The following CNTNAP1 variants were observed in gnomAD, a reference collection of about 807,000 sequenced individuals.
CNTNAP1 encodes the protein contactin-associated protein 1.
A neutral mutation model predicts 161.5 loss-of-function variants in CNTNAP1; 80 were observed. The observed-to-expected ratio is 0.50, with a 90% CI of 0.41 to 0.60. The LOEUF is 0.60. Ranked by LOEUF, CNTNAP1 falls within the 20% of genes least tolerant of loss-of-function variation. The pLI, the probability that CNTNAP1 is intolerant of heterozygous loss-of-function variation, is 0.00. For synonymous variants in CNTNAP1, 695 were observed against 733.1 expected (o/e 0.95, Z 0.84); for missense variants, 1,464 against 1,854.8 (o/e 0.79, Z 3.87).
chr17:42,682,799 G>A lies in CNTNAP1; in HGVS notation c.-31G>A. 1 of 1,551,692 alleles carries A rather than the reference G, an allele frequency of 6.4e-7. No homozygotes were observed. Among genetic ancestry groups the A allele is most frequent in the Non-Finnish European group, 8.7e-7 (1 of 1,150,324 alleles). On this transcript the variant is annotated 5_prime_UTR_variant, in exon 1 of 24. Coordinates refer to ENST00000264638, the MANE Select transcript of CNTNAP1 (RefSeq NM_003632.3). ...CGAGCCCTAGCCGGAGCCGTTCACA[G>A]GGAGGCGGCTGCCGGGACCGTCAGC... is the stretch of plus-strand genomic sequence containing the variant.
chr17:42,685,431 C>A lies in CNTNAP1; in HGVS notation c.715+11C>A. ...TGCACATGAGCCTGGGTGAGCTCGG[C>A]GACCATGTGCGATGCGGAGCCAACC... On this transcript the variant is annotated intron_variant, in intron 5 of 23. Coordinates refer to ENST00000264638, the MANE Select transcript of CNTNAP1 (RefSeq NM_003632.3). This position sits in a 1 kb window ranked among gnomAD's most constrained non-coding sequence, Gnocchi z 5.0. 1.3e-6 allele frequency: 2 copies of A among 1,596,644 alleles called. No individual in the cohort carries two copies. Among genetic ancestry groups the A allele is most frequent in the East Asian group, 2.2e-5 (1 of 44,700 alleles).
intron 10 of CNTNAP1, 74 bp downstream of exon 10, chr17:42,689,121 T>G: frequency 7.0e-7 from 1 of 1,421,024 alleles, no homozygotes; most frequent in Admixed American, 2.4e-5. Context: ...GAATGGCCTC[T>G]TTCAATAATC....
Position 42,699,217 on chromosome 17 carries a change from T to A in CNTNAP1, c.*307T>A. On this transcript the variant is annotated 3_prime_UTR_variant, in exon 24 of 24. Coordinates refer to ENST00000264638, the MANE Select transcript of CNTNAP1 (RefSeq NM_003632.3). ...TCCTTTCTGCCATCTCTGTTCCAGC[T>A]GCTGTCAGGGATTAACAACAGAGTG... is the stretch of plus-strand genomic sequence containing the variant. 6.3e-6 allele frequency: 2 copies of A among 315,826 alleles called. No homozygotes were observed. The highest frequency in any genetic ancestry group is 1.2e-5 in the Non-Finnish European group (2 of 173,062). The allele number at this position is 315,826 out of a possible 1,614,324, so 19.6% of individuals were successfully genotyped here.
chr17:42,688,366 C>G, intron 8 of CNTNAP1, 96 bp from the exon 9 acceptor site: 1 of 1,533,360 alleles, frequency 6.5e-7, no homozygotes, highest in Non-Finnish European at 9.0e-7. Flanking sequence ...CAGGCTGCTA[C>G]TGGGACACAG....
chr17:42,685,018 G>A lies in CNTNAP1; in HGVS notation c.391G>A (p.Ala131Thr), dbSNP rs562221422. ...CTTCTTTGGTAACGTGAACGAGTCG[G>A]CGGTGGTGCGCCATGACCTGCACTT... ...STFFGNVNES[A>T]VVRHDLHFHF... Residue 131 changes from alanine to threonine, a missense_variant, in exon 4 of 24, where the codon GCG (alanine) becomes ACG (threonine). Around this residue, in one of 3 missense-constraint regions of CNTNAP1, gnomAD observed 1,383 missense variants for 1,765.0 expected, o/e 0.78. Transcript: ENST00000264638. This position sits in a 1 kb window ranked among gnomAD's most constrained non-coding sequence, Gnocchi z 5.0. 8.7e-6 allele frequency: 14 copies of A among 1,602,232 alleles called. No individual in the cohort carries two copies. The South Asian group carries it at 1.3e-4, about 15-fold the overall frequency.
intron 13 of CNTNAP1, 53 bp downstream of exon 13, chr17:42,690,995 C>T: frequency 1.2e-6 from 2 of 1,605,946 alleles, no homozygotes; most frequent in Non-Finnish European, 1.7e-6. Context: ...CCAATGGGGG[C>T]CTGGGAGAAG....
At position 42,693,508 on chromosome 17, in the gene CNTNAP1, G is replaced by T; in HGVS notation, c.2964G>T (p.Thr988=). ...ACTACACGTGTGACTGTGACCTCAC[G>T]GCTTTTGATGGGCCATACTGCAACC... ...YSYYTCDCDL[T]AFDGPYCNHD... Residue 988 remains threonine, a synonymous_variant, in exon 18 of 24, where the codon ACG becomes ACT. Transcript: ENST00000264638. 6.2e-7 allele frequency: 1 copy of T among 1,614,068 alleles called. No individual in the cohort carries two copies. Among genetic ancestry groups the T allele is most frequent in the Non-Finnish European group, 8.5e-7 (1 of 1,179,904 alleles).
intron 1 of CNTNAP1, chr17:42,683,598 G>A: frequency 7.1e-7 from 1 of 1,412,274 alleles, no homozygotes; most frequent in African/African-American, 1.4e-5. Context: ...GGGCCTATAG[G>A]TGTAGCCTAG....
chr17:42,689,160 C>G, intron 10 of CNTNAP1, 113 bp downstream of exon 10: 1 of 1,084,336 alleles, frequency 9.2e-7, no homozygotes, highest in Non-Finnish European at 1.3e-6. Flanking sequence ...GCTCCTTAGT[C>G]CCCTGCTTGG....
chr17:42,683,604 C>T, intron 1 of CNTNAP1: 1 of 1,418,102 alleles, frequency 7.1e-7, no homozygotes, highest in Non-Finnish European at 9.2e-7. Context: ...ATAGGTGTAG[C>T]CTAGGGGTTT....
intron 17 of CNTNAP1, among the ~76,000 whole-genome samples, chr17:42,693,020 G>C (rs2053109910): frequency 6.7e-6 from 1 of 149,196 alleles, no homozygotes; most frequent in African/African-American, 2.5e-5. Flanking sequence ...GCAGTGGCAC[G>C]ATCTCGGCCC....
Position 42,699,326 on chromosome 17 carries a change from G to A in CNTNAP1, c.*416G>A, listed in dbSNP as rs1377493126. 1.3e-5 allele frequency: 2 copies of A among 158,862 alleles called. No homozygotes were observed. Among genetic ancestry groups the A allele is most frequent in the Non-Finnish European group, 2.8e-5 (2 of 72,488 alleles). 9.8% of individuals were successfully genotyped at this position (158,862 alleles called of 1,614,324 possible). A position where few individuals can be genotyped will look rare whatever the true frequency, so the allele number is the denominator to read the frequency against. On this transcript the variant is annotated 3_prime_UTR_variant, in exon 24 of 24. Coordinates refer to ENST00000264638, the MANE Select transcript of CNTNAP1 (RefSeq NM_003632.3). ...GAGTGCAGGGCTGCAGAGGGTATGG[G>A]GGGAGGAGGCTGCTAAACCCTATCC...
At chr17:42,682,979 G>C in intron 1 of CNTNAP1, 83 bp downstream of exon 1, 7 of 1,295,124 alleles carry the variant, frequency 5.4e-6, no homozygotes, top group Non-Finnish European at 7.3e-6. Context: ...ATTGCGGCTG[G>C]GTGGTCGCGG....
Position 42,685,952 on chromosome 17 carries a change from C to T in CNTNAP1, c.716-5C>T. The T allele has an allele frequency of 6.2e-7, 1 of 1,613,946 alleles. No homozygotes were observed. The highest frequency in any genetic ancestry group is 1.7e-4 in the Middle Eastern group (1 of 6,058). On this transcript the variant is annotated splice_polypyrimidine_tract_variant and splice_region_variant and intron_variant, in intron 5 of 23. Transcript: ENST00000264638. This position sits in a 1 kb window ranked among gnomAD's most constrained non-coding sequence, Gnocchi z 5.0. The stretch of plus-strand genomic sequence containing the variant: ...AGGTTTCACTCTGTCCTGCCCCACC[C>T]TCAGGCAGCAGCCCTATCCAGCCAA...
chr17:42,682,568 G>T lies in CNTNAP1; in HGVS notation c.-262G>T, dbSNP rs893687268. On this transcript the variant is annotated 5_prime_UTR_variant, in exon 1 of 24. Coordinates refer to ENST00000264638, the MANE Select transcript of CNTNAP1 (RefSeq NM_003632.3). ...TGCCAGGAGACAGAGGCTGGGGAAG[G>T]GGGGAGGTGAGAGGAAAGAGGGTGG... The T allele has an allele frequency of 7.6e-6, 4 of 526,608 alleles. No homozygotes were observed. Among genetic ancestry groups the T allele is most frequent in the Admixed American group, 7.2e-5 (2 of 27,674 alleles). The allele number at this position is 526,608 out of a possible 1,614,324, so 32.6% of individuals were successfully genotyped here. A position where few individuals can be genotyped will look rare whatever the true frequency, so the allele number is the denominator to read the frequency against.
Position 42,691,706 on chromosome 17 carries a change from C to T in CNTNAP1, c.2345-100C>T. 7.2e-7 allele frequency: 1 copy of T among 1,396,220 alleles called. No individual in the cohort carries two copies. 86.5% of individuals were successfully genotyped at this position (1,396,220 alleles called of 1,614,324 possible). ...AGTCTCCCCTCCGTCACCTCAAACC[C>T]TCCCCCTTTGCCCAACCTTCCCTGC... On this transcript the variant is annotated intron_variant, in intron 15 of 23. Coordinates refer to ENST00000264638, the MANE Select transcript of CNTNAP1 (RefSeq NM_003632.3). The surrounding 1 kb of genome is among the most constrained non-coding windows in gnomAD (Gnocchi z 4.3).
intron 11 of CNTNAP1, 146 bp from the exon 12 acceptor site, chr17:42,689,942 T>G: frequency 2.5e-6 from 2 of 812,296 alleles, no homozygotes; most frequent in Non-Finnish European, 4.0e-6. Context: ...GGTTTCACCA[T>G]GTTGGCCAGG....
In CNTNAP1 at chr17:42,687,953, C is replaced by G; in HGVS notation, c.1278C>G (p.Ser426Arg). The G allele has an allele frequency of 3.1e-6, 5 of 1,613,676 alleles. No individual in the cohort carries two copies. Among genetic ancestry groups the G allele is most frequent in the Non-Finnish European group, 4.2e-6 (5 of 1,179,714 alleles). ...AGGTCAACGTGTCCATCGCGCAGAG[C>G]GGCCGAAAGAAGCTTCAGTTCGCTG... Reference protein sequence around the residue: ...EGQVNVSIAQSGRKKLQFAAG... With the variant: ...EGQVNVSIAQRGRKKLQFAAG... The change falls in exon 8 of 24, where the codon AGC (serine) becomes AGG (arginine). Residue 426 changes from serine (S) to arginine (R), a missense_variant. This residue lies in a region of CNTNAP1 where 1,383 missense variants were observed against 1,765.0 expected (regional missense o/e 0.78). Transcript: ENST00000264638. The surrounding 1 kb of genome is among the most constrained non-coding windows in gnomAD (Gnocchi z 4.7).
rs756084575 is a variant in CNTNAP1, at chr17:42,692,518, C to T, written c.2550C>T (p.Phe850=). ...GTCCAGCATCCCGGGATGTGGTCTT[C>T]GCCTTTGATGTGGGGAATGGGGATG... is the stretch of plus-strand genomic sequence containing the variant. ...VELNTSRDVV[F]AFDVGNGDEN... Residue 850 remains phenylalanine (F), a synonymous_variant, in exon 17 of 24, where the codon TTC becomes TTT. Transcript: ENST00000264638. The T allele has an allele frequency of 7.4e-6, 12 of 1,613,952 alleles. No individual in the cohort carries two copies. Among genetic ancestry groups the T allele is most frequent in the African/African-American group, 4.0e-5 (3 of 74,910 alleles).
Sources: gnomAD v4.1 joint callset for allele counts (sites outside exome capture counted in the v4.1 genomes callset) on GRCh38, gnomAD v4.1.1 for gene constraint, gnomAD v4.1.1 regional missense constraint, Gnocchi (gnomAD v3.1) non-coding constraint, MANE v1.5 for transcripts, NCBI Gene and HGNC (gene_info 2026-07-23, HGNC 2026-07-21) for gene names.